GABRA6: variants seen among roughly 807,000 people sequenced by gnomAD.
GABRA6 encodes the protein gamma-aminobutyric acid type A receptor subunit alpha6.
GABRA6 carries 45 observed loss-of-function variants against 47.3 expected under a neutral mutation model. That is an observed-to-expected ratio of 0.95 (90% CI 0.75 to 1.22). GABRA6 has a LOEUF of 1.22. Ranked by LOEUF, GABRA6 falls within the 50% of genes most tolerant of loss-of-function variation. The pLI, the probability that GABRA6 is intolerant of heterozygous loss-of-function variation, is 0.00. For synonymous variants in GABRA6, 219 were observed against 194.7 expected, an observed-to-expected ratio of 1.12 and a Z score of -1.04; for missense variants, 583 against 549.3, an observed-to-expected ratio of 1.06 and a Z score of -0.61.
chr5:161,691,014 G>C (rs1197516167), intron 7 of GABRA6, among the ~76,000 whole-genome samples: 1 of 151,774 alleles, frequency 6.6e-6, no homozygotes, highest in Non-Finnish European at 1.5e-5. Context: ...AATTACAAAA[G>C]AATGCCAACA....
Position 161,692,177 on chromosome 5 carries a change from C to A in GABRA6, c.1063C>A (p.Pro355Thr), listed in dbSNP as rs755235727. 3.7e-6 allele frequency: 6 copies of A among 1,614,196 alleles called. No homozygotes were observed. In the East Asian group the frequency reaches 1.3e-4, roughly 36 times the overall value. Residue 355 changes from proline to threonine, a missense_variant, in exon 8 of 9, where the codon CCT (proline) becomes ACT (threonine). Pro to Thr is a conservative substitution (Grantham distance 38). Coordinates refer to ENST00000274545, the MANE Select transcript of GABRA6 (RefSeq NM_000811.3). ...PTVTISKATE[P>T]LEAEIVLHPD... ...AGTGACAATATCAAAAGCTACTGAA[C>A]CTTTGGAAGCTGAGATTGTTTTGGT...
At chr5:161,687,653 C>T (rs966356954) in intron 3 of GABRA6, 6 of 358,824 alleles carry the variant, frequency 1.7e-5, no homozygotes, top group African/African-American at 4.3e-5. Flanking sequence ...CTCTCTAAAA[C>T]GGAAGTGTAA....
At chr5:161,688,021 A>G (rs1460881894) in intron 3 of GABRA6, among the ~76,000 whole-genome samples, 1 of 152,142 alleles carries the variant, frequency 6.6e-6, no homozygotes, top group Non-Finnish European at 1.5e-5. Context: ...CTCCAAGTAT[A>G]AACAACTACA....
intron 3 of GABRA6, chr5:161,687,264 C>A: frequency 2.1e-6 from 1 of 484,594 alleles, no homozygotes; most frequent in South Asian, 2.1e-5. Context: ...CTAATTCTTC[C>A]CTCCAAAGAG....
chr5:161,693,087 C>T (rs1167884004), intron 8 of GABRA6, among the ~76,000 whole-genome samples: 2 of 152,118 alleles, frequency 1.3e-5, no homozygotes, highest in East Asian at 1.9e-4. Context: ...ACACTTTGAA[C>T]TGAAATTTTT....
chr5:161,695,318 T>G (rs1210392222), intron 8 of GABRA6, among the ~76,000 whole-genome samples: 1 of 152,202 alleles, frequency 6.6e-6, no homozygotes, highest in Non-Finnish European at 1.5e-5. Context: ...TATAGACTAA[T>G]TATCTTTCTG....
At chr5:161,689,199 C>T (rs748517513) in intron 4 of GABRA6, 30 bp downstream of exon 4, 1 of 1,610,578 alleles carries the variant, frequency 6.2e-7, no homozygotes, top group African/African-American at 1.3e-5. Context: ...ATTTCCCCTG[C>T]CTAAATGATA....
At chr5:161,698,923 C>G (rs981788568) in intron 8 of GABRA6, among the ~76,000 whole-genome samples, 17 of 151,670 alleles carry the variant, frequency 1.1e-4, no homozygotes, top group African/African-American at 3.9e-4. Flanking sequence ...CATTTTACTA[C>G]AAATTTTTTG....
intron 7 of GABRA6, among the ~76,000 whole-genome samples, chr5:161,690,918 T>C (rs1442114200): frequency 6.6e-6 from 1 of 152,174 alleles, no homozygotes; most frequent in Non-Finnish European, 1.5e-5. Flanking sequence ...TTTATAAATT[T>C]AGTAGTCTCT....
rs536693316 is a variant in GABRA6 at position 161,688,323 on chromosome 5, C to T, written c.226-626C>T. On this transcript the variant is annotated intron_variant, in intron 3 of 8. Coordinates refer to ENST00000274545, the MANE Select transcript of GABRA6 (RefSeq NM_000811.3). ...AATAGCTCTTATTATAATTCTTAAACATTTTAATGCTATTTCATAAAAGCC... is the reference window on the plus strand; with the variant it reads ...AATAGCTCTTATTATAATTCTTAAATATTTTAATGCTATTTCATAAAAGCC... 1.1e-4 allele frequency among the ~76,000 whole-genome samples: 17 copies of T among 152,242 alleles called. No homozygotes were observed. In the South Asian group the frequency reaches 3.3e-3, roughly 30 times the overall value.
chr5:161,690,800 A>G (rs1490700893), intron 7 of GABRA6, among the ~76,000 whole-genome samples: 1 of 152,184 alleles, frequency 6.6e-6, no homozygotes, highest in African/African-American at 2.4e-5. Flanking sequence ...AGTTCCACTT[A>G]TAGATAGAAT....
Position 161,691,970 on chromosome 5 carries a change from T to C in GABRA6, c.856T>C (p.Leu286=), listed in dbSNP as rs1335604192. ...CACCACTGTTTTAACTATGACCACTTTGAGCATCAGTGCCCGGCACTCTTT... is the reference window on the plus strand; with the variant it reads ...CACCACTGTTTTAACTATGACCACTCTGAGCATCAGTGCCCGGCACTCTTT... The part of the protein sequence containing the change: ...GITTVLTMTT[L]SISARHSLPK... The change falls in exon 8 of 9, where the codon TTG becomes CTG. Residue 286 remains leucine, a synonymous_variant. Coordinates refer to ENST00000274545, the MANE Select transcript of GABRA6 (RefSeq NM_000811.3). 6.2e-7 allele frequency: 1 copy of C among 1,614,032 alleles called. No individual in the cohort carries two copies. Among genetic ancestry groups the C allele is most frequent in the Non-Finnish European group, 8.5e-7 (1 of 1,179,884 alleles).
In GABRA6 at chr5:161,701,635, G is replaced by A. The variant is rs750992954; in HGVS notation, c.1224G>A (p.Ser408=). The part of the protein sequence containing the change: ...QSTPVTPPPL[S]PAFGGTSKID... ...CACCTGTCACACCCCCACCACTCTC[G>A]CCAGCCTTTGGAGGCACCAGTAAAA... Residue 408 remains serine, a synonymous_variant, in exon 9 of 9, where the codon TCG becomes TCA. Transcript: ENST00000274545. 17 of 1,613,914 alleles carry A rather than the reference G, an allele frequency of 1.1e-5. No homozygotes were observed. Among genetic ancestry groups the A allele is most frequent in the African/African-American group, 6.7e-5 (5 of 74,902 alleles).
intron 8 of GABRA6, among the ~76,000 whole-genome samples, chr5:161,699,662 C>A (rs940693134): frequency 1.1e-4 from 16 of 151,316 alleles, no homozygotes; most frequent in Non-Finnish European, 5.9e-5. Flanking sequence ...CGGGGTTTCA[C>A]CATGTTGGCC....
In GABRA6 at chr5:161,688,859, A is replaced by G. The variant is rs569969917; in HGVS notation, c.226-90A>G. On this transcript the variant is annotated intron_variant, in intron 3 of 8. Transcript: ENST00000274545. ...GCGATAAAAAGTTGCTTTATTGCTTAAGTTTTGAGATTGGGTGTATAGGCT... is the reference window on the plus strand; with the variant it reads ...GCGATAAAAAGTTGCTTTATTGCTTGAGTTTTGAGATTGGGTGTATAGGCT... The G allele has an allele frequency of 2.7e-6, 3 of 1,115,350 alleles. No individual in the cohort carries two copies. In the African/African-American group the frequency reaches 4.6e-5, roughly 17 times the overall value. The allele number at this position is 1,115,350 out of a possible 1,614,324, so 69.1% of individuals were successfully genotyped here. A position where few individuals can be genotyped will look rare whatever the true frequency, so the allele number is the denominator to read the frequency against.
chr5:161,689,658 C>A lies in GABRA6; in HGVS notation c.552C>A (p.Ile184=), dbSNP rs757682550. The A allele has an allele frequency of 2.5e-6, 4 of 1,609,104 alleles. No homozygotes were observed. Among genetic ancestry groups the A allele is most frequent in the Non-Finnish European group, 3.4e-6 (4 of 1,175,806 alleles). ...TAGATGCTTATCCCAAAAGTGAAAT[C>A]ATATATACGTGGAAAAAAGGACCAC... ...FGSYAYPKSE[I]IYTWKKGPLY... Residue 184 remains isoleucine (I), a synonymous_variant, in exon 6 of 9, where the codon ATC becomes ATA. Transcript: ENST00000274545.
At position 161,685,930 on chromosome 5, in the gene GABRA6, G is replaced by A. The variant is rs1387088080; in HGVS notation, c.-60G>A. 1.2e-5 allele frequency: 16 copies of A among 1,357,214 alleles called. No homozygotes were observed. The African/African-American group carries it at 1.6e-4, about 13-fold the overall frequency. 84.1% of individuals were successfully genotyped at this position (1,357,214 alleles called of 1,614,324 possible). On this transcript the variant is annotated 5_prime_UTR_variant, in exon 1 of 9. Transcript: ENST00000274545. ...TTCTCCAGTTGATTGGCAGAGAAGAGCTGGCTAGCAGGGAGGACGACCCTA... is the reference window on the plus strand; with the variant it reads ...TTCTCCAGTTGATTGGCAGAGAAGAACTGGCTAGCAGGGAGGACGACCCTA...
chr5:161,692,613 T>C (rs1007143480), intron 8 of GABRA6, among the ~76,000 whole-genome samples: 2 of 152,246 alleles, frequency 1.3e-5, no homozygotes, highest in African/African-American at 4.8e-5. Context: ...ATTTTTGTTA[T>C]AAATCTGCTT....
intron 3 of GABRA6, 92 bp from the exon 4 acceptor site, chr5:161,688,856 CT>C: frequency 9.1e-7 from 1 of 1,095,276 alleles, no homozygotes; most frequent in Non-Finnish European, 1.4e-6. Context: ...TGCTTTATTG[CT>C]TAAGTTTTGA....
Sources: gnomAD v4.1 joint callset for allele counts (sites outside exome capture counted in the v4.1 genomes callset) on GRCh38, gnomAD v4.1.1 for gene constraint, MANE v1.5 for transcripts, NCBI Gene and HGNC (gene_info 2026-07-23, HGNC 2026-07-21) for gene names.